KDM5D: variants seen among roughly 807,000 people sequenced by gnomAD.
The protein encoded by KDM5D is lysine demethylase 5D.
In KDM5D, 25 loss-of-function variants were observed where a neutral mutation model predicts 31.9. The observed-to-expected ratio is 0.78, with a 90% CI of 0.57 to 1.09. The LOEUF is 1.09. Among genes scored for constraint, KDM5D ranks in the 50% least tolerant of loss-of-function variants. The pLI is 0.00. For missense variants in KDM5D, 366 were observed against 341.6 expected (o/e 1.07, Z -0.56); for synonymous variants, 146 against 122.3 (o/e 1.19, Z -1.28).
At chrY:19,711,783 T>C in intron 18 of KDM5D, among the ~76,000 whole-genome samples, 2 of 33,164 alleles carry the variant, frequency 6.0e-5, no homozygotes, top group Admixed American at 2.7e-4. Context: ...GCATGGGTCA[T>C]TGAATATCTA....
chrY:19,709,163 C>T (rs2045274933), intron 20 of KDM5D, 150 bp from the exon 21 acceptor site: 1 of 164,193 alleles, frequency 6.1e-6, no homozygotes, highest in South Asian at 5.1e-5. Context: ...AACTCTCTAA[C>T]ATTGCAGGGG....
intron 11 of KDM5D, among the ~76,000 whole-genome samples, chrY:19,728,291 G>A (rs2032639): frequency 8.7e-3 from 294 of 33,822 alleles, no homozygotes; most frequent in African/African-American, 0.033. Context: ...AACCACATCC[G>A]TATATATACA....
At chrY:19,734,347 T>G in intron 8 of KDM5D, among the ~76,000 whole-genome samples, 2 of 33,979 alleles carry the variant, frequency 5.9e-5, no homozygotes, top group African/African-American at 2.3e-4. Context: ...AAACTACACT[T>G]AATAGAACAC....
chrY:19,707,606 C>T lies in KDM5D; in HGVS notation c.3540G>A (p.Val1180=). ...ACTGCAGAACTCCCACCCCAGCTGG[C>T]ACCTGCCCACACACACAGATAGAAG... ...SPTSICVCGQ[V]PAGVGVLQCD... is the part of the protein sequence containing the mutation. Residue 1180 remains valine, a synonymous_variant, in exon 24 of 27, where the codon GTG becomes GTA. Transcript: ENST00000317961. 5.0e-6 allele frequency: 2 copies of T among 396,463 alleles called. No homozygotes were observed. Among genetic ancestry groups the T allele is most frequent in the Non-Finnish European group, 7.1e-6 (2 of 282,326 alleles).
At chrY:19,735,267 A>G in intron 8 of KDM5D, 85 bp downstream of exon 8, 6 of 294,014 alleles carry the variant, frequency 2.0e-5, no homozygotes, top group Admixed American at 1.6e-4. Flanking sequence ...AAGGAAGAAA[A>G]AAAGAAAAGT....
Position 19,732,619 on chromosome Y carries a change from T to C in KDM5D, c.1057A>G (p.Arg353Gly). The change falls in exon 9 of 27, where the codon AGA becomes GGA. Residue 353 changes from arginine to glycine, a missense_variant. Arg to Gly is a moderately radical substitution (Grantham distance 125). Coordinates refer to ENST00000317961, the MANE Select transcript of KDM5D (RefSeq NM_004653.5). ...CLLPPLPEIP[R>G]GIWRCPKCIL... Reference sequence around the variant, plus strand: ...CATTTTGGGCACCTCCAGATGCCTCTGGGGATTTCAGGAAGGGGTGGTAAC... The same window carrying C: ...CATTTTGGGCACCTCCAGATGCCTCCGGGGATTTCAGGAAGGGGTGGTAAC... The C allele has an allele frequency of 2.5e-6, 1 of 393,983 alleles. No individual in the cohort carries two copies. Among genetic ancestry groups the C allele is most frequent in the Non-Finnish European group, 3.6e-6 (1 of 281,022 alleles).
chrY:19,704,963 A>G lies in KDM5D; in HGVS notation c.*1032T>C. 3.0e-5 allele frequency: 1 copy of G among 33,849 alleles called. No individual in the cohort carries two copies. Among genetic ancestry groups the G allele is most frequent in the Non-Finnish European group, 7.3e-5 (1 of 13,635 alleles). 8.4% of individuals were successfully genotyped at this position (33,849 alleles called of 400,897 possible). On this transcript the variant is annotated 3_prime_UTR_variant, in exon 27 of 27. Transcript: ENST00000317961. Reference sequence around the variant, plus strand: ...TTTAGGACACAAAAGCTACTACATAATGAAAAAGAGAGCTGGTGACTTAAC... The same window carrying G: ...TTTAGGACACAAAAGCTACTACATAGTGAAAAAGAGAGCTGGTGACTTAAC...
In KDM5D at chrY:19,739,579, C is replaced by A; in HGVS notation, c.606G>T (p.Gln202His). The A allele has an allele frequency of 2.5e-6, 1 of 395,368 alleles. No homozygotes were observed. The highest frequency in any genetic ancestry group is 3.6e-6 in the Non-Finnish European group (1 of 281,147). ...GACTGTAGCTGCTGAACTTTGAAGG[C>A]TGCACAGACTGTCTAAGGGGGATGC... ...PHSIPLRQSV[Q>H]PSKFSSYSRR... is the part of the protein sequence containing the mutation. Residue 202 changes from glutamine (Q) to histidine (H), a missense_variant, in exon 6 of 27, where the codon CAG becomes CAT. Coordinates refer to ENST00000317961, the MANE Select transcript of KDM5D (RefSeq NM_004653.5).
chrY:19,740,068 G>A, intron 5 of KDM5D, among the ~76,000 whole-genome samples: 1 of 32,493 alleles, frequency 3.1e-5, no homozygotes, highest in Admixed American at 2.8e-4. Context: ...GGGGTCAAGA[G>A]ATCAAGACCA....
Position 19,707,414 on chromosome Y carries a change from T to C in KDM5D, c.3732A>G (p.Thr1244=). 5.0e-6 allele frequency: 2 copies of C among 396,828 alleles called. No homozygotes were observed. Among genetic ancestry groups the C allele is most frequent in the Non-Finnish European group, 7.1e-6 (2 of 282,375 alleles). ...GCAGGGCAACCAGCAAGGCTAGGAT[T>C]GTCTCTAGGCGTGGCCGTCGTGAGC... ...CMRSRRPRLE[T]ILALLVALQR... The change falls in exon 24 of 27, where the codon ACA becomes ACG. Residue 1244 remains threonine (T), a synonymous_variant. Transcript: ENST00000317961.
intron 8 of KDM5D, among the ~76,000 whole-genome samples, chrY:19,733,870 T>G: frequency 3.1e-5 from 1 of 31,978 alleles, no homozygotes; most frequent in African/African-American, 1.2e-4. Flanking sequence ...CGAGATTCCA[T>G]CTCAGAAAAA....
Position 19,715,375 on chromosome Y carries a change from C to A in KDM5D, c.2463G>T (p.Gly821=). The A allele has an allele frequency of 2.5e-6, 1 of 398,325 alleles. No homozygotes were observed. Among genetic ancestry groups the A allele is most frequent in the Non-Finnish European group, 3.5e-6 (1 of 283,329 alleles). The stretch of plus-strand genomic sequence containing the variant: ...ACCTGGCCACCTGACCACTGACCAG[C>A]CCCAGGACTTGAGCAATACAAGCCT... The part of the protein sequence containing the change: ...EVEACIAQVL[G]LVSGQVARMD... Residue 821 remains glycine, a synonymous_variant, in exon 18 of 27, where the codon GGG becomes GGT. Coordinates refer to ENST00000317961, the MANE Select transcript of KDM5D (RefSeq NM_004653.5).
intron 5 of KDM5D, among the ~76,000 whole-genome samples, chrY:19,740,694 T>C: frequency 8.9e-5 from 3 of 33,543 alleles, no homozygotes; most frequent in Admixed American, 8.1e-4. Flanking sequence ...AACACCATTA[T>C]CTTTTTCAGC....
chrY:19,732,716 G>A lies in KDM5D; in HGVS notation c.960C>T (p.Cys320=). ...GCTTATCATCTTCATCCCCACGGGA[G>A]CATACTTGGCAAATATATGAGTCAA... ...QFIDSYICQV[C]SRGDEDDKLL... The change falls in exon 9 of 27, where the codon TGC becomes TGT. Residue 320 remains cysteine, a synonymous_variant. Transcript: ENST00000317961. 1 of 384,633 alleles carries A rather than the reference G, an allele frequency of 2.6e-6. No individual in the cohort carries two copies.
At chrY:19,721,344 G>C in intron 11 of KDM5D, 33 bp from the exon 12 acceptor site, 1 of 347,581 alleles carries the variant, frequency 2.9e-6, no homozygotes, top group Non-Finnish European at 4.2e-6. Context: ...GAGTGAGTAG[G>C]GAGTAGGATA....
chrY:19,743,618 A>T, intron 2 of KDM5D, among the ~76,000 whole-genome samples: 1 of 33,327 alleles, frequency 3.0e-5, no homozygotes, highest in Admixed American at 2.8e-4. Flanking sequence ...AAATTGTTTC[A>T]CTTTTTAAAA....
rs746855060 is a variant in KDM5D, at chrY:19,709,488, G to A, written c.2905C>T (p.Arg969Cys). The change falls in exon 20 of 27, where the codon CGC becomes TGC. Residue 969 changes from arginine (R) to cysteine (C), a missense_variant. By Grantham distance (180) the Arg-to-Cys change is radical. Transcript: ENST00000317961. ...ELQELLTIAE[R>C]WEEKAHFCLE... ...CAGAAATGAGCCTTTTCTTCCCAGCGCTCTGCAATGGTCAGTAGTTCTTGC... is the reference window on the plus strand; with the variant it reads ...CAGAAATGAGCCTTTTCTTCCCAGCACTCTGCAATGGTCAGTAGTTCTTGC... 11 of 396,581 alleles carry A rather than the reference G, an allele frequency of 2.8e-5. No individual in the cohort carries two copies. The highest frequency in any genetic ancestry group is 1.9e-4 in the East Asian group (2 of 10,770).
intron 13 of KDM5D, among the ~76,000 whole-genome samples, chrY:19,718,457 T>C (rs528467574): frequency 2.9e-5 from 1 of 34,755 alleles, no homozygotes; most frequent in African/African-American, 1.1e-4. Flanking sequence ...GATCACATAT[T>C]GTATGATTCC....
At chrY:19,727,640 G>A in intron 11 of KDM5D, among the ~76,000 whole-genome samples, 1 of 33,149 alleles carries the variant, frequency 3.0e-5, no homozygotes, top group Admixed American at 2.8e-4. Context: ...TGTAAAATGA[G>A]TAAAAATTTG....
Sources: gnomAD v4.1 joint callset for allele counts (sites outside exome capture counted in the v4.1 genomes callset) on GRCh38, gnomAD v4.1.1 for gene constraint, MANE v1.5 for transcripts, NCBI Gene and HGNC (gene_info 2026-07-23, HGNC 2026-07-21) for gene names.